The following TMPRSS11E variants were observed in gnomAD, a reference collection of about 807,000 sequenced individuals.
TMPRSS11E encodes the protein transmembrane protease serine 11E.
In TMPRSS11E, 38 loss-of-function variants were observed where a neutral mutation model predicts 48.1. The ratio of observed to expected loss-of-function variants is 0.79; its 90% confidence interval spans 0.61 to 1.04. The LOEUF (loss-of-function observed/expected upper bound fraction) is 1.04, where lower values mean the gene tolerates loss of function less well. Ranked by LOEUF, TMPRSS11E falls within the 50% of genes least tolerant of loss-of-function variation. The pLI is 0.00. For synonymous variants in TMPRSS11E, 158 were observed against 171.9 expected (o/e 0.92, Z 0.63); for missense variants, 530 against 510.8 (o/e 1.04, Z -0.36).
rs187313278 is a variant in TMPRSS11E, at chr4:68,487,275, C to T, written c.1110+8284C>T. Among the ~76,000 whole-genome samples, 9 of 150,140 alleles carry T rather than the reference C, an allele frequency of 6.0e-5. 1 individual carries two copies. Among genetic ancestry groups the T allele is most frequent in the African/African-American group, 2.0e-4 (8 of 40,836 alleles). On this transcript the variant is annotated intron_variant, in intron 9 of 9. Transcript: ENST00000305363. ...AGGAATTTTTTTTTTTTTTTGAGAC[C>T]GCGTTTTGCTCTTGTTGCTCAGGCT...
At chr4:68,458,585 A>T (rs1051942442) in intron 1 of TMPRSS11E, among the ~76,000 whole-genome samples, 2 of 152,206 alleles carry the variant, frequency 1.3e-5, no homozygotes, top group Non-Finnish European at 2.9e-5. Flanking sequence ...TAATTATACA[A>T]ACGTCTGTTG....
At chr4:68,455,164 C>G (rs544555401) in intron 1 of TMPRSS11E, among the ~76,000 whole-genome samples, 36 of 152,002 alleles carry the variant, frequency 2.4e-4, no homozygotes, top group South Asian at 1.0e-3. Flanking sequence ...CTTAGTTTGA[C>G]TGCAAATTAT....
At chr4:68,490,774 T>TTTTG (rs1729695124) in intron 9 of TMPRSS11E, among the ~76,000 whole-genome samples, 3 of 123,324 alleles carry the variant, frequency 2.4e-5, no homozygotes, top group Non-Finnish European at 5.6e-5. Flanking sequence ...TTTTTTTTTT[T>TTTTG]TTTGAGGTGG....
intron 9 of TMPRSS11E, among the ~76,000 whole-genome samples, chr4:68,491,096 T>C (rs1729707783): frequency 6.6e-6 from 1 of 151,848 alleles, no homozygotes; most frequent in Non-Finnish European, 1.5e-5. Flanking sequence ...TAGTAGGGAA[T>C]TGGGCCTTCT....
rs1275464821 is a variant in TMPRSS11E, at chr4:68,461,938, G to A, written c.129G>A (p.Val43=). ...AVCIGLTVHY[V]RYNQKKTYNY... ...GCATTGGACTCACTGTTCATTATGT[G>A]AGATATAGTAAGTATAAGCTGCCTT... Residue 43 remains valine, a synonymous_variant, in exon 2 of 10, where the codon GTG becomes GTA. Coordinates refer to ENST00000305363, the MANE Select transcript of TMPRSS11E (RefSeq NM_014058.4). The A allele has an allele frequency of 6.2e-7, 1 of 1,614,020 alleles. No homozygotes were observed. Among genetic ancestry groups the A allele is most frequent in the Non-Finnish European group, 8.5e-7 (1 of 1,180,002 alleles).
At chr4:68,479,961 A>C (rs1040483494) in intron 9 of TMPRSS11E, among the ~76,000 whole-genome samples, 1 of 152,038 alleles carries the variant, frequency 6.6e-6, no homozygotes, top group South Asian at 2.1e-4. Flanking sequence ...CTTTTCTTTC[A>C]GCATTTAAAT....
chr4:68,468,791 T>C, intron 3 of TMPRSS11E, 88 bp from the exon 4 acceptor site: 1 of 1,035,100 alleles, frequency 9.7e-7, no homozygotes, highest in Non-Finnish European at 1.5e-6. Context: ...TCTGTTTTGT[T>C]TTTTAATTTT....
chr4:68,481,955 AAACT>A (rs1377630765), intron 9 of TMPRSS11E, among the ~76,000 whole-genome samples: 13 of 152,156 alleles, frequency 8.5e-5, no homozygotes, highest in Admixed American at 5.9e-4. Context: ...ACAAACAAAC[AAACT>A]AACAAAACCA....
intron 1 of TMPRSS11E, among the ~76,000 whole-genome samples, chr4:68,451,528 A>G (rs934846342): frequency 6.6e-6 from 1 of 151,914 alleles, no homozygotes; most frequent in South Asian, 2.1e-4. Flanking sequence ...CTATACAGGC[A>G]TATTTAAATT....
intron 9 of TMPRSS11E, among the ~76,000 whole-genome samples, chr4:68,496,231 T>C (rs1050769898): frequency 2.6e-5 from 4 of 152,100 alleles, no homozygotes; most frequent in Non-Finnish European, 5.9e-5. Flanking sequence ...TGTCTGTTTT[T>C]TTTTGTTTGT....
chr4:68,472,645 G>T (rs573100603), intron 5 of TMPRSS11E, among the ~76,000 whole-genome samples: 1 of 152,112 alleles, frequency 6.6e-6, no homozygotes, highest in South Asian at 2.1e-4. Context: ...ATATCTGATA[G>T]ATCTAAGTAG....
At chr4:68,457,473 G>C (rs1481962578) in intron 1 of TMPRSS11E, among the ~76,000 whole-genome samples, 1 of 152,118 alleles carries the variant, frequency 6.6e-6, no homozygotes, top group Non-Finnish European at 1.5e-5. Context: ...TTCAACCATT[G>C]TGGAAGACAG....
chr4:68,490,509 G>A (rs1306867651), intron 9 of TMPRSS11E, among the ~76,000 whole-genome samples: 1 of 151,884 alleles, frequency 6.6e-6, no homozygotes, highest in Non-Finnish European at 1.5e-5. Flanking sequence ...CTCAGGTGAG[G>A]GACTAATGCT....
intron 1 of TMPRSS11E, among the ~76,000 whole-genome samples, chr4:68,448,624 A>G (rs1429085581): frequency 6.6e-6 from 1 of 151,922 alleles, no homozygotes. Flanking sequence ...AAATGTGTAG[A>G]GGCGGTATAA....
rs1476798200 is a variant in TMPRSS11E at position 68,478,889 on chromosome 4, C to T, written c.1008C>T (p.Leu336=). 1.2e-6 allele frequency: 2 copies of T among 1,614,058 alleles called. No individual in the cohort carries two copies. The highest frequency in any genetic ancestry group is 1.1e-5 in the South Asian group (1 of 91,078). The change falls in exon 9 of 10, where the codon CTC becomes CTT. Residue 336 remains leucine (L), a synonymous_variant. Transcript: ENST00000305363. The stretch of plus-strand genomic sequence containing the variant: ...ATCTTCGACAAGCACAGGTGACTCT[C>T]ATAGACGCTACAACTTGCAATGAAC... ...QNHLRQAQVT[L]IDATTCNEPQ... is the part of the protein sequence containing the mutation.
At chr4:68,448,811 G>C (rs1158824886) in intron 1 of TMPRSS11E, among the ~76,000 whole-genome samples, 1 of 151,824 alleles carries the variant, frequency 6.6e-6, no homozygotes, top group Non-Finnish European at 1.5e-5. Context: ...AAGATTGTAT[G>C]AAAGATGAAG....
chr4:68,485,212 T>A (rs1051391814), intron 9 of TMPRSS11E, among the ~76,000 whole-genome samples: 2 of 152,128 alleles, frequency 1.3e-5, no homozygotes, highest in African/African-American at 4.8e-5. Flanking sequence ...AGTGGTGCGA[T>A]CTCAGCTCAC....
At chr4:68,464,635 G>A (rs1476211685) in intron 2 of TMPRSS11E, among the ~76,000 whole-genome samples, 1 of 152,118 alleles carries the variant, frequency 6.6e-6, no homozygotes, top group East Asian at 1.9e-4. Flanking sequence ...GTAAAATACT[G>A]AGCACAGATA....
chr4:68,496,517 A>G lies in TMPRSS11E; in HGVS notation c.1111-126A>G, dbSNP rs1729868845. On this transcript the variant is annotated intron_variant, in intron 9 of 9. Transcript: ENST00000305363. ...CTGACATAGATGGAGAAAATCACTT[A>G]TGCATGCGAACACACGGAATACTTT... The G allele has an allele frequency of 4.4e-6, 4 of 911,266 alleles. No individual in the cohort carries two copies. In the Admixed American group the frequency reaches 7.6e-5, roughly 17 times the overall value. 56.4% of individuals were successfully genotyped at this position (911,266 alleles called of 1,614,324 possible). A position where few individuals can be genotyped will look rare whatever the true frequency, so the allele number is the denominator to read the frequency against.
Sources: allele counts gnomAD v4.1 joint callset (sites outside exome capture counted in the v4.1 genomes callset), GRCh38; gene constraint gnomAD v4.1.1; transcripts MANE v1.5; gene names NCBI Gene and HGNC (gene_info 2026-07-23, HGNC 2026-07-21).